The following CWH43 variants were observed in gnomAD, a reference collection of about 807,000 sequenced individuals.
CWH43 encodes cell wall biogenesis 43 C-terminal homolog.
In CWH43, 91 loss-of-function variants were observed where a neutral mutation model predicts 85.7. The ratio of observed to expected loss-of-function variants is 1.06; its 90% CI spans 0.90 to 1.26. The LOEUF is 1.26. Ranked by LOEUF, CWH43 falls within the 50% of genes most tolerant of loss-of-function variation. The pLI, the probability that CWH43 is intolerant of heterozygous loss-of-function variation, is 0.00. For synonymous variants in CWH43, 323 were observed against 293.6 expected (o/e 1.10, Z -1.02); for missense variants, 869 against 839.2 (o/e 1.04, Z -0.44).
chr4:49,041,733 G>T (rs558859690), intron 13 of CWH43, among the ~76,000 whole-genome samples: 1 of 152,286 alleles, frequency 6.6e-6, no homozygotes, highest in African/African-American at 2.4e-5. Context: ...GGTTCCATTT[G>T]ACAAGGACTC....
rs533870659 is a variant in CWH43 at position 49,007,933 on chromosome 4, C to T, written c.1186+607C>T. 2.8e-3 allele frequency among the ~76,000 whole-genome samples: 424 copies of T among 152,236 alleles called. 4 individuals are homozygous for T. The highest frequency in any genetic ancestry group is 9.5e-3 in the African/African-American group (395 of 41,524). On this transcript the variant is annotated intron_variant, in intron 8 of 15. Transcript: ENST00000226432. ...TGTGAATAGTGCTGTAATAAACATA[C>T]GTGTGCATGTATCTTTATAGTAGCA...
intron 6 of CWH43, among the ~76,000 whole-genome samples, chr4:49,000,392 T>C (rs1265787917): frequency 2.6e-4 from 40 of 152,182 alleles, no homozygotes; most frequent in Non-Finnish European, 2.6e-4. Flanking sequence ...TGCTTGTGTA[T>C]TTTTTGATAG....
intron 8 of CWH43, among the ~76,000 whole-genome samples, chr4:49,014,138 A>C (rs1476548678): frequency 6.6e-6 from 1 of 152,164 alleles, no homozygotes; most frequent in African/African-American, 2.4e-5. Flanking sequence ...AAACCTTCAT[A>C]TATGTTTCAT....
intron 8 of CWH43, among the ~76,000 whole-genome samples, chr4:49,012,370 G>A (rs114925095): frequency 1.1e-4 from 17 of 152,204 alleles, no homozygotes; most frequent in Middle Eastern, 3.4e-3. Context: ...TTAGCCATTC[G>A]TCTAACATTT....
intron 15 of CWH43, among the ~76,000 whole-genome samples, chr4:49,051,094 T>C (rs1424603847): frequency 6.6e-6 from 1 of 152,186 alleles, no homozygotes; most frequent in Non-Finnish European, 1.5e-5. Flanking sequence ...ATCATTATCA[T>C]CATGAACATC....
chr4:49,039,532 T>G (rs528295666), intron 13 of CWH43, among the ~76,000 whole-genome samples: 16 of 149,144 alleles, frequency 1.1e-4, no homozygotes, highest in Non-Finnish European at 1.6e-4. Context: ...CTTGGTCCCT[T>G]TCATTCCATT....
At chr4:49,022,462 T>A (rs1284354302) in intron 9 of CWH43, among the ~76,000 whole-genome samples, 2 of 152,204 alleles carry the variant, frequency 1.3e-5, no homozygotes, top group African/African-American at 2.4e-5. Flanking sequence ...AGTATTATGT[T>A]GAGGATTTTT....
At chr4:49,051,655 C>T (rs951987082) in intron 15 of CWH43, among the ~76,000 whole-genome samples, 4 of 152,170 alleles carry the variant, frequency 2.6e-5, no homozygotes, top group African/African-American at 4.8e-5. Flanking sequence ...CAGCTCACTG[C>T]AACCTCTGCC....
chr4:48,998,635 A>C (rs138872325), intron 6 of CWH43, 87 bp downstream of exon 6: 39 of 931,374 alleles, frequency 4.2e-5, no homozygotes, highest in Non-Finnish European at 4.1e-5. Flanking sequence ...CTGAAAGTAG[A>C]TACAACCATA....
rs1359112982 is a variant in CWH43, at chr4:49,030,864, A to G, written c.1412A>G (p.Lys471Arg). ...ACAATTTTGGAGAGTGATGCTTCTA[A>G]GCCCTATATGGGGAACAATGACTTA... is the stretch of plus-strand genomic sequence containing the variant. ...FITILESDAS[K>R]PYMGNNDLTM... The change falls in exon 11 of 16, where the codon AAG becomes AGG. Residue 471 changes from lysine to arginine, a missense_variant. This residue lies in a region of CWH43 where 577 missense variants were observed against 513.1 expected (regional missense o/e 1.12). Coordinates refer to ENST00000226432, the MANE Select transcript of CWH43 (RefSeq NM_025087.3). 25 of 1,604,044 alleles carry G rather than the reference A, an allele frequency of 1.6e-5. No individual in the cohort carries two copies. The highest frequency in any genetic ancestry group is 2.0e-5 in the Non-Finnish European group (23 of 1,176,806).
chr4:49,047,141 G>A (rs1281600674), intron 14 of CWH43, among the ~76,000 whole-genome samples: 1 of 152,200 alleles, frequency 6.6e-6, no homozygotes, highest in Non-Finnish European at 1.5e-5. Flanking sequence ...ACATTTATGA[G>A]AGAAAATGGT....
chr4:49,033,818 T>C (rs1784178964), intron 12 of CWH43, among the ~76,000 whole-genome samples: 1 of 152,204 alleles, frequency 6.6e-6, no homozygotes, highest in African/African-American at 2.4e-5. Flanking sequence ...TAAAGAGCTA[T>C]GTGCTATGAC....
At chr4:49,030,130 T>C (rs1470421464) in intron 10 of CWH43, among the ~76,000 whole-genome samples, 2 of 152,196 alleles carry the variant, frequency 1.3e-5, no homozygotes, top group African/African-American at 4.8e-5. Context: ...GTGAAGCAAA[T>C]TGCTTTCAAC....
At chr4:49,025,828 C>T (rs1783899288) in intron 9 of CWH43, among the ~76,000 whole-genome samples, 2 of 152,186 alleles carry the variant, frequency 1.3e-5, no homozygotes, top group East Asian at 1.9e-4. Context: ...TGTTGGCCTC[C>T]AGCCAGGGTG....
At chr4:48,988,122 C>A (rs1419252391) in intron 1 of CWH43, among the ~76,000 whole-genome samples, 2 of 152,110 alleles carry the variant, frequency 1.3e-5, no homozygotes, top group Non-Finnish European at 2.9e-5. Flanking sequence ...GGGCCTGATG[C>A]GAGGAGTGGG....
At chr4:49,020,324 A>T (rs1352291867) in intron 9 of CWH43, among the ~76,000 whole-genome samples, 1 of 151,304 alleles carries the variant, frequency 6.6e-6, no homozygotes, top group African/African-American at 2.4e-5. Flanking sequence ...CTCCAATTCC[A>T]TCCAGGTTGT....
At chr4:49,025,766 A>T (rs1395177869) in intron 9 of CWH43, among the ~76,000 whole-genome samples, 3 of 152,198 alleles carry the variant, frequency 2.0e-5, no homozygotes, top group Non-Finnish European at 4.4e-5. Context: ...CAGAGGAGTG[A>T]AGCATACTCT....
chr4:48,986,671 A>G, intron 1 of CWH43, 199 bp downstream of exon 1: 4 of 1,353,442 alleles, frequency 3.0e-6, no homozygotes, highest in Non-Finnish European at 3.8e-6. Context: ...GAAGTCTTCA[A>G]GCTGAGTCTG....
intron 8 of CWH43, among the ~76,000 whole-genome samples, chr4:49,008,411 C>G (rs1234236197): frequency 6.7e-6 from 1 of 149,668 alleles, no homozygotes; most frequent in Non-Finnish European, 1.5e-5. Flanking sequence ...AAAATTTTGT[C>G]CCATTCTGTA....
Sources: allele counts gnomAD v4.1 joint callset (sites outside exome capture counted in the v4.1 genomes callset), GRCh38; gene constraint gnomAD v4.1.1; regional missense constraint gnomAD v4.1.1; transcripts MANE v1.5; gene names NCBI Gene and HGNC (gene_info 2026-07-23, HGNC 2026-07-21).